DIAPH3: variants seen among roughly 807,000 people sequenced by gnomAD.
DIAPH3 encodes diaphanous related formin 3, also known as protein diaphanous homolog 3.
In DIAPH3, 117 loss-of-function variants were observed where a neutral mutation model predicts 144.3. The ratio of observed to expected loss-of-function variants is 0.81; its 90% CI spans 0.70 to 0.95. DIAPH3 has a LOEUF of 0.95. Among genes scored for constraint, DIAPH3 ranks in the 40% least tolerant of loss-of-function variants. The pLI is 0.00. For synonymous variants in DIAPH3, 519 were observed against 488.9 expected (o/e 1.06, Z -0.81); for missense variants, 1,421 against 1,412.7 (o/e 1.01, Z -0.09).
intron 4 of DIAPH3, among the ~76,000 whole-genome samples, chr13:60,047,336 T>C (rs535831636): frequency 2.0e-5 from 3 of 151,992 alleles, no homozygotes; most frequent in South Asian, 4.2e-4. Context: ...TTTGTAGAAA[T>C]TGAAAACTAC....
At chr13:59,764,141 A>T (rs1471085910) in intron 27 of DIAPH3, among the ~76,000 whole-genome samples, 2 of 151,872 alleles carry the variant, frequency 1.3e-5, no homozygotes, top group Non-Finnish European at 2.9e-5. Flanking sequence ...TGTTTACATA[A>T]TCCCTGTTTG....
intron 15 of DIAPH3, 146 bp from the exon 16 acceptor site, chr13:59,971,306 T>C: frequency 1.3e-6 from 1 of 756,082 alleles, no homozygotes; most frequent in Non-Finnish European, 2.0e-6. Flanking sequence ...AAATCAAAAT[T>C]CCAACAATTT....
At chr13:59,900,459 GT>G (rs2046368099) in intron 20 of DIAPH3, among the ~76,000 whole-genome samples, 1 of 152,086 alleles carries the variant, frequency 6.6e-6, no homozygotes, top group Non-Finnish European at 1.5e-5. Context: ...CTCATGGTTA[GT>G]TTTTGAAACA....
chr13:59,748,192 T>C (rs2036799084), intron 27 of DIAPH3, among the ~76,000 whole-genome samples: 1 of 152,206 alleles, frequency 6.6e-6, no homozygotes, highest in African/African-American at 2.4e-5. Flanking sequence ...AGCTTCTTGA[T>C]ATTAGAGCAC....
intron 17 of DIAPH3, among the ~76,000 whole-genome samples, chr13:59,927,853 G>A (rs2047829465): frequency 6.6e-6 from 1 of 152,074 alleles, no homozygotes; most frequent in African/African-American, 2.4e-5. Flanking sequence ...AATATAATAT[G>A]TCTCACAGAA....
At chr13:59,806,232 C>T (rs957470981) in intron 25 of DIAPH3, among the ~76,000 whole-genome samples, 1 of 151,928 alleles carries the variant, frequency 6.6e-6, no homozygotes, top group African/African-American at 2.4e-5. Flanking sequence ...AATAATTCAC[C>T]CTTCCACATT....
intron 7 of DIAPH3, chr13:60,013,130 A>T: frequency 1.0e-6 from 1 of 985,290 alleles, no homozygotes; most frequent in Non-Finnish European, 1.2e-6. Flanking sequence ...CTAAGGATGT[A>T]TCTTTCCTGA....
At chr13:59,923,832 A>C (rs759661040) in intron 18 of DIAPH3, among the ~76,000 whole-genome samples, 10 of 152,212 alleles carry the variant, frequency 6.6e-5, no homozygotes, top group Non-Finnish European at 1.5e-5. Flanking sequence ...TTTAGATCAA[A>C]GTGATTACGA....
chr13:60,021,528 G>T (rs2054020876), intron 5 of DIAPH3, among the ~76,000 whole-genome samples: 1 of 152,030 alleles, frequency 6.6e-6, no homozygotes, highest in Admixed American at 6.6e-5. Flanking sequence ...GGAGGCTGAG[G>T]CAGGAGAATC....
intron 9 of DIAPH3, among the ~76,000 whole-genome samples, chr13:59,993,965 T>C (rs193420): frequency 0.76 from 114,427 of 151,520 alleles, 43,338 homozygotes; most frequent in Admixed American, 0.81. Flanking sequence ...AAATTACAGA[T>C]AACTCACAGA....
intron 20 of DIAPH3, among the ~76,000 whole-genome samples, chr13:59,895,513 G>A (rs1047132924): frequency 6.7e-6 from 1 of 150,044 alleles, no homozygotes; most frequent in Admixed American, 6.6e-5. Flanking sequence ...GTTTAATGAC[G>A]CATATAATTT....
At chr13:60,037,341 A>T (rs902124228) in intron 5 of DIAPH3, among the ~76,000 whole-genome samples, 1 of 152,030 alleles carries the variant, frequency 6.6e-6, no homozygotes, top group Admixed American at 6.6e-5. Flanking sequence ...ACACAGTTAT[A>T]ATATGACTCA....
chr13:59,851,495 C>A (rs2139854613), intron 22 of DIAPH3, among the ~76,000 whole-genome samples: 1 of 152,326 alleles, frequency 6.6e-6, no homozygotes, highest in African/African-American at 2.4e-5. Context: ...ACATTGACTT[C>A]TTTCATTGGC....
chr13:60,044,193 C>T (rs1205886356), intron 4 of DIAPH3: 2 of 152,110 alleles, frequency 1.3e-5, no homozygotes, highest in African/African-American at 2.4e-5. Context: ...ATTTGAATTA[C>T]AGATTCACCA....
chr13:60,008,203 C>T (rs1286704101), intron 9 of DIAPH3, among the ~76,000 whole-genome samples: 2 of 151,984 alleles, frequency 1.3e-5, no homozygotes, highest in South Asian at 4.2e-4. Flanking sequence ...ACCATCCTGG[C>T]TAACACAATG....
At chr13:59,820,708 T>C (rs1593546992) in intron 24 of DIAPH3, among the ~76,000 whole-genome samples, 1 of 151,442 alleles carries the variant, frequency 6.6e-6, no homozygotes, top group East Asian at 1.9e-4. Context: ...TCTTATTTTA[T>C]GTTATAAAAT....
At chr13:60,018,428 T>C (rs2053801290) in intron 5 of DIAPH3, among the ~76,000 whole-genome samples, 1 of 152,134 alleles carries the variant, frequency 6.6e-6, no homozygotes, top group Non-Finnish European at 1.5e-5. Flanking sequence ...TTCTCTGATC[T>C]ACATAATTAA....
At chr13:59,907,660 G>A (rs2046806008) in intron 20 of DIAPH3, among the ~76,000 whole-genome samples, 1 of 152,174 alleles carries the variant, frequency 6.6e-6, no homozygotes, top group Non-Finnish European at 1.5e-5. Context: ...AGAACACCTT[G>A]AGAGCTATCC....
chr13:60,138,698 A>G (rs935152052), intron 1 of DIAPH3, among the ~76,000 whole-genome samples: 2 of 151,680 alleles, frequency 1.3e-5, no homozygotes, highest in African/African-American at 4.8e-5. Flanking sequence ...GTATCAGACT[A>G]TGACATGATA....
Sources: gnomAD v4.1 joint callset for allele counts (sites outside exome capture counted in the v4.1 genomes callset) on GRCh38, gnomAD v4.1.1 for gene constraint, MANE v1.5 for transcripts, NCBI Gene and HGNC (gene_info 2026-07-23, HGNC 2026-07-21) for gene names.